Variants in PTPRD observed in about 807,000 individuals in gnomAD.
The protein encoded by PTPRD is receptor-type tyrosine-protein phosphatase delta.
In PTPRD, 34 loss-of-function variants were observed where a neutral mutation model predicts 214.5. The ratio of observed to expected loss-of-function variants is 0.16; its 90% CI spans 0.12 to 0.21. The LOEUF is 0.21. PTPRD is among the 10% of genes least tolerant of loss of function. The pLI, the probability that PTPRD is intolerant of heterozygous loss-of-function variation, is 1.00. For synonymous variants in PTPRD, 1,128 were observed against 845.7 expected, an observed-to-expected ratio of 1.33 and a Z score of -5.79; for missense variants, 2,545 against 2,398.7, an observed-to-expected ratio of 1.06 and a Z score of -1.27.
chr9:9,769,900 G>A (rs1000634933), intron 5 of PTPRD, among the ~76,000 whole-genome samples: 4 of 152,046 alleles, frequency 2.6e-5, no homozygotes, highest in Admixed American at 2.6e-4. Flanking sequence ...GAGAATGACG[G>A]TTTCCAGCTT....
At chr9:8,755,448 G>C (rs981051102) in intron 11 of PTPRD, among the ~76,000 whole-genome samples, 2 of 149,834 alleles carry the variant, frequency 1.3e-5, no homozygotes, top group African/African-American at 4.9e-5. Flanking sequence ...AGAATCACTT[G>C]AACCTGGCAG....
At chr9:9,380,264 T>C (rs1206036657) in intron 9 of PTPRD, among the ~76,000 whole-genome samples, 1 of 152,130 alleles carries the variant, frequency 6.6e-6, no homozygotes, top group African/African-American at 2.4e-5. Context: ...TTTGATAAGT[T>C]GTGTTTTCAT....
intron 12 of PTPRD, among the ~76,000 whole-genome samples, chr9:8,696,810 T>G (rs927545785): frequency 2.0e-5 from 3 of 152,204 alleles, no homozygotes; most frequent in African/African-American, 7.2e-5. Context: ...CCACATAAAT[T>G]GCTTATGCTG....
chr9:9,929,829 C>CAT (rs34452410), intron 5 of PTPRD, among the ~76,000 whole-genome samples: 55,240 of 151,856 alleles, frequency 0.36, 10,658 homozygotes, highest in East Asian at 0.73. Flanking sequence ...ACTTGTACTA[C>CAT]ATCATGTTCT....
At chr9:9,868,528 T>C (rs186516991) in intron 5 of PTPRD, among the ~76,000 whole-genome samples, 1 of 151,796 alleles carries the variant, frequency 6.6e-6, no homozygotes, top group African/African-American at 2.4e-5. Context: ...ATTCAGGAAA[T>C]ATAGCTTGAG....
rs188781281 is a variant in PTPRD, at chr9:10,536,703, A to G, written c.-600+75695T>C. On this transcript the variant is annotated intron_variant, in intron 2 of 45. Transcript: ENST00000381196. ...GGTTAACACAGAATGCATTGCTTGTATAAATACTGGCCCAGGGAACACTGC... is the reference window on the plus strand; with the variant it reads ...GGTTAACACAGAATGCATTGCTTGTGTAAATACTGGCCCAGGGAACACTGC... Among the ~76,000 whole-genome samples the G allele has an allele frequency of 1.5e-3, 223 of 152,242 alleles. 1 individual carries two copies. Among genetic ancestry groups the G allele is most frequent in the African/African-American group, 5.2e-3 (218 of 41,574 alleles).
intron 3 of PTPRD, among the ~76,000 whole-genome samples, chr9:10,076,861 T>G (rs143215329): frequency 2.3e-3 from 353 of 152,292 alleles, no homozygotes; most frequent in Non-Finnish European, 4.1e-3. Context: ...TCTACGAACA[T>G]GAAGGTCAAT....
chr9:10,230,440 C>CTATCTATCTATG (rs1554901445), intron 3 of PTPRD, among the ~76,000 whole-genome samples: 1,651 of 132,674 alleles, frequency 0.012, 20 homozygotes, highest in Admixed American at 0.017. Flanking sequence ...ATCTATGTAT[C>CTATCTATCTATG]TATCTATCTA....
At chr9:8,428,006 T>C (rs2094801945) in intron 35 of PTPRD, among the ~76,000 whole-genome samples, 1 of 152,206 alleles carries the variant, frequency 6.6e-6, no homozygotes, top group Non-Finnish European at 1.5e-5. Context: ...TTAATGATTG[T>C]ATGAAGTAAG....
chr9:8,497,232 A>C lies in PTPRD; in HGVS notation c.2349+10T>G. The C allele has an allele frequency of 6.3e-7, 1 of 1,590,376 alleles. No individual in the cohort carries two copies. Among genetic ancestry groups the C allele is most frequent in the Non-Finnish European group, 8.5e-7 (1 of 1,170,930 alleles). Reference sequence around the variant, plus strand: ...GTCTGCTTTTGACAAAACAGTCAAAAATTACTCACATGTTCAGTAGTATCA... The same window carrying C: ...GTCTGCTTTTGACAAAACAGTCAAACATTACTCACATGTTCAGTAGTATCA... On this transcript the variant is annotated intron_variant, in intron 26 of 45. Coordinates refer to ENST00000381196, the MANE Select transcript of PTPRD (RefSeq NM_002839.4).
At chr9:9,355,644 T>C (rs527320855) in intron 9 of PTPRD, among the ~76,000 whole-genome samples, 7 of 151,584 alleles carry the variant, frequency 4.6e-5, no homozygotes, top group East Asian at 3.9e-4. Flanking sequence ...AAGTTGGATA[T>C]GTAAGTCTGG....
chr9:8,553,223 G>C (rs1234634092), intron 14 of PTPRD, among the ~76,000 whole-genome samples: 3 of 152,056 alleles, frequency 2.0e-5, no homozygotes, highest in Non-Finnish European at 4.4e-5. Context: ...AAAATGCTAT[G>C]ATACAGTTTT....
chr9:8,608,534 G>C (rs1444877013), intron 14 of PTPRD, among the ~76,000 whole-genome samples: 1 of 152,056 alleles, frequency 6.6e-6, no homozygotes, highest in Non-Finnish European at 1.5e-5. Flanking sequence ...ACCACTCAGA[G>C]ACTCTCAGTG....
chr9:10,279,327 T>G lies in PTPRD; in HGVS notation c.-545+61636A>C, dbSNP rs367641591. On this transcript the variant is annotated intron_variant, in intron 3 of 45. Transcript: ENST00000381196. Reference sequence around the variant, plus strand: ...AAAACAGACATGCTTTTTAATTACGTTAGACATAACAGTTTGGTGATTTAG... The same window carrying G: ...AAAACAGACATGCTTTTTAATTACGGTAGACATAACAGTTTGGTGATTTAG... Among the ~76,000 whole-genome samples the G allele has an allele frequency of 7.9e-4, 121 of 152,260 alleles. 2 individuals are homozygous for G. In the South Asian group the frequency reaches 0.022, roughly 27 times the overall value.
intron 4 of PTPRD, among the ~76,000 whole-genome samples, chr9:9,992,614 G>A (rs1384473765): frequency 3.9e-5 from 6 of 152,180 alleles, no homozygotes; most frequent in South Asian, 2.1e-4. Flanking sequence ...GGAATACTGC[G>A]CAGACATAAA....
chr9:8,557,797 CA>C (rs2084553705), intron 14 of PTPRD, among the ~76,000 whole-genome samples: 1 of 139,986 alleles, frequency 7.1e-6, no homozygotes, highest in East Asian at 2.1e-4. Flanking sequence ...CACACACACA[CA>C]CACACACACA....
intron 4 of PTPRD, among the ~76,000 whole-genome samples, chr9:9,962,517 C>T (rs1366114335): frequency 6.7e-6 from 1 of 149,550 alleles, no homozygotes; most frequent in Non-Finnish European, 1.5e-5. Flanking sequence ...AAACATTAAG[C>T]CATTAAGCCA....
chr9:9,430,565 T>A (rs998462476), intron 8 of PTPRD, among the ~76,000 whole-genome samples: 1 of 152,130 alleles, frequency 6.6e-6, no homozygotes, highest in Non-Finnish European at 1.5e-5. Context: ...TTAAAGTTCA[T>A]ATGGAACAAA....
At chr9:9,848,236 A>G (rs1383537673) in intron 5 of PTPRD, among the ~76,000 whole-genome samples, 1 of 152,116 alleles carries the variant, frequency 6.6e-6, no homozygotes, top group African/African-American at 2.4e-5. Flanking sequence ...AAAGCCACAG[A>G]TTCCCCAGTA....
Sources: allele counts gnomAD v4.1 joint callset (sites outside exome capture counted in the v4.1 genomes callset), GRCh38; gene constraint gnomAD v4.1.1; transcripts MANE v1.5; gene names NCBI Gene and HGNC (gene_info 2026-07-23, HGNC 2026-07-21).